The following STAU2 variants were observed in gnomAD, a reference collection of about 807,000 sequenced individuals.
STAU2 encodes double-stranded RNA-binding protein Staufen homolog 2.
In STAU2, 20 loss-of-function variants were observed where a neutral mutation model predicts 65.9. The ratio of observed to expected loss-of-function variants is 0.30; its 90% CI spans 0.21 to 0.44. STAU2 has a LOEUF of 0.44. STAU2 is among the 20% of genes least tolerant of loss of function. The pLI, the probability that STAU2 is intolerant of heterozygous loss-of-function variation, is 1.00. For synonymous variants in STAU2, 232 were observed against 233.9 expected (o/e 0.99, Z 0.07); for missense variants, 558 against 683.9 (o/e 0.82, Z 2.05).
At chr8:73,508,207 TA>T (rs1400243191) in intron 13 of STAU2, among the ~76,000 whole-genome samples, 1 of 152,220 alleles carries the variant, frequency 6.6e-6, no homozygotes, top group African/African-American at 2.4e-5. Flanking sequence ...CCTCTCAGCT[TA>T]TGACATGCCT....
intron 1 of STAU2, among the ~76,000 whole-genome samples, chr8:73,744,022 G>A (rs890285799): frequency 4.0e-5 from 6 of 151,778 alleles, no homozygotes; most frequent in East Asian, 1.9e-4. Context: ...CACCTGCCTC[G>A]GCCTCCCAAA....
At chr8:73,573,485 C>G (rs1809267924) in intron 12 of STAU2, among the ~76,000 whole-genome samples, 1 of 152,194 alleles carries the variant, frequency 6.6e-6, no homozygotes, top group South Asian at 2.1e-4. Context: ...AGGCATCATG[C>G]TACCTGACTT....
At chr8:73,494,913 C>T (rs1016643625) in intron 13 of STAU2, among the ~76,000 whole-genome samples, 5 of 151,522 alleles carry the variant, frequency 3.3e-5, no homozygotes, top group Non-Finnish European at 7.4e-5. Flanking sequence ...AAGCAAAATC[C>T]TTCCAATTGT....
intron 5 of STAU2, among the ~76,000 whole-genome samples, chr8:73,679,063 G>A (rs993062850): frequency 2.6e-5 from 4 of 152,126 alleles, no homozygotes; most frequent in African/African-American, 7.2e-5. Context: ...TATCTAAGGC[G>A]AAATTAATAT....
chr8:73,453,128 C>A (rs17218816), intron 13 of STAU2, among the ~76,000 whole-genome samples: 4,549 of 152,260 alleles, frequency 0.03, 213 homozygotes, highest in Admixed American at 0.13. Flanking sequence ...AAAGATAAGA[C>A]TTGCAGCTGC....
At chr8:73,451,666 G>A (rs1358445194) in intron 13 of STAU2, among the ~76,000 whole-genome samples, 1 of 151,902 alleles carries the variant, frequency 6.6e-6, no homozygotes, top group East Asian at 1.9e-4. Context: ...TCTTCTCAGG[G>A]TGAGGAAGGT....
At chr8:73,447,783 C>T (rs565041529) in intron 13 of STAU2, among the ~76,000 whole-genome samples, 79 of 152,240 alleles carry the variant, frequency 5.2e-4, no homozygotes, top group African/African-American at 1.8e-3. Flanking sequence ...AGTTAGCAGT[C>T]GTTTTCCTTT....
At chr8:73,655,141 C>T (rs1389427415) in intron 6 of STAU2, among the ~76,000 whole-genome samples, 1 of 152,198 alleles carries the variant, frequency 6.6e-6, no homozygotes, top group Non-Finnish European at 1.5e-5. Context: ...TTGTACCCTA[C>T]AAAAACATTT....
chr8:73,700,355 C>T lies in STAU2; in HGVS notation c.114+8677G>A, dbSNP rs186235068. ...GCAAGAGAAAGAAAGAAAGGGCATC[C>T]AAATTGGAAAAGAAGAAGTCAAATT... On this transcript the variant is annotated intron_variant, in intron 4 of 14. Coordinates refer to ENST00000524300, the MANE Select transcript of STAU2 (RefSeq NM_001164380.2). Among the ~76,000 whole-genome samples the T allele has an allele frequency of 4.0e-5, 6 of 151,552 alleles. No homozygotes were observed. The East Asian group carries it at 9.7e-4, about 24-fold the overall frequency.
At chr8:73,544,464 T>C (rs144909221) in intron 13 of STAU2, among the ~76,000 whole-genome samples, 77 of 152,302 alleles carry the variant, frequency 5.1e-4, no homozygotes, top group Admixed American at 1.0e-3. Flanking sequence ...CTCCCAACAA[T>C]ACACACACAT....
chr8:73,690,942 T>TG (rs1280057730), intron 4 of STAU2, among the ~76,000 whole-genome samples: 6 of 152,218 alleles, frequency 3.9e-5, no homozygotes, highest in Non-Finnish European at 5.9e-5. Context: ...CTTCAAATTT[T>TG]GGTATTTAAC....
intron 6 of STAU2, among the ~76,000 whole-genome samples, chr8:73,627,742 C>G (rs1242861515): frequency 7.9e-6 from 1 of 126,136 alleles, no homozygotes; most frequent in Non-Finnish European, 1.6e-5. Context: ...AGTAAATACT[C>G]ATTAAACCTT....
intron 13 of STAU2, among the ~76,000 whole-genome samples, chr8:73,452,912 T>C (rs1226393390): frequency 6.6e-6 from 1 of 152,218 alleles, no homozygotes; most frequent in African/African-American, 2.4e-5. Context: ...GGTGGATTGA[T>C]GGTTTGCAGT....
chr8:73,629,505 A>T (rs1263732625), intron 6 of STAU2, among the ~76,000 whole-genome samples: 2 of 152,186 alleles, frequency 1.3e-5, no homozygotes, highest in South Asian at 2.1e-4. Context: ...CGTATGTTTT[A>T]AAAAAATTGC....
intron 5 of STAU2, among the ~76,000 whole-genome samples, chr8:73,685,774 C>A (rs1818761125): frequency 6.6e-6 from 1 of 152,246 alleles, no homozygotes; most frequent in Non-Finnish European, 1.5e-5. Flanking sequence ...AGTAGAACTA[C>A]CATTTGATCC....
chr8:73,744,885 G>T (rs1289897042), intron 1 of STAU2, among the ~76,000 whole-genome samples: 1 of 152,192 alleles, frequency 6.6e-6, no homozygotes, highest in Non-Finnish European at 1.5e-5. Flanking sequence ...CCATTTGTCT[G>T]TAAGCTTGAA....
At chr8:73,745,977 G>C (rs1043881436) in intron 1 of STAU2, among the ~76,000 whole-genome samples, 19 of 151,324 alleles carry the variant, frequency 1.3e-4, no homozygotes, top group African/African-American at 4.6e-4. Flanking sequence ...AGAGACTAGA[G>C]TTCCTGCTCT....
At position 73,461,722 on chromosome 8, in the gene STAU2, G is replaced by A. The variant is rs114602123; in HGVS notation, c.1531-39020C>T. On this transcript the variant is annotated intron_variant, in intron 13 of 14. Coordinates refer to ENST00000524300, the MANE Select transcript of STAU2 (RefSeq NM_001164380.2). The stretch of plus-strand genomic sequence containing the variant: ...GAGGGAGAGAATGAGGTGGGGAGAA[G>A]CAGAAGCCAGGCAGGAACGCAACCG... Among the ~76,000 whole-genome samples the A allele has an allele frequency of 5.2e-3, 792 of 152,170 alleles. 8 individuals carry two copies. Among genetic ancestry groups the A allele is most frequent in the South Asian group, 0.024 (116 of 4,816 alleles).
At chr8:73,570,123 T>C (rs1003844352) in intron 12 of STAU2, among the ~76,000 whole-genome samples, 1 of 152,182 alleles carries the variant, frequency 6.6e-6, no homozygotes, top group Non-Finnish European at 1.5e-5. Context: ...AGACTTTAAA[T>C]GACCTGATGG....
Sources: allele counts gnomAD v4.1 joint callset (sites outside exome capture counted in the v4.1 genomes callset), GRCh38; gene constraint gnomAD v4.1.1; transcripts MANE v1.5; gene names NCBI Gene and HGNC (gene_info 2026-07-23, HGNC 2026-07-21).